Variants in TRAK1 observed in about 807,000 individuals in gnomAD.
TRAK1 encodes trafficking kinesin-binding protein 1.
TRAK1 carries 33 observed loss-of-function variants against 92.1 expected under a neutral mutation model. The ratio of observed to expected loss-of-function variants is 0.36; its 90% CI spans 0.27 to 0.48. The LOEUF is 0.48. TRAK1 is among the 20% of genes least tolerant of loss of function. The probability of loss-of-function intolerance (pLI) is 0.99; values close to 1 mark genes in which losing one functional copy is unlikely to be tolerated. For synonymous variants in TRAK1, 521 were observed against 517.3 expected, an observed-to-expected ratio of 1.01 and a Z score of -0.10; for missense variants, 1,123 against 1,257.9, an observed-to-expected ratio of 0.89 and a Z score of 1.62.
chr3:42,223,678 ACT>A lies in TRAK1; in HGVS notation c.2807_2808del (p.Leu936HisfsTer9). 7 of 1,613,314 alleles carry A rather than the reference ACT, an allele frequency of 4.3e-6. No homozygotes were observed. Among genetic ancestry groups the A allele is most frequent in the Non-Finnish European group, 5.9e-6 (7 of 1,179,702 alleles). On this transcript the variant is annotated frameshift_variant, in exon 16 of 16. Transcript: ENST00000327628. LOFTEE classifies it high-confidence loss of function. The surrounding 1 kb of genome is among the most constrained non-coding windows in gnomAD (Gnocchi z 6.1). ...GSSMQMKAPVTLTSGILMGAK... is the reference protein window; with the variant it reads ...GSSMQMKAPVXLTSGILMGAK... ...TAGCATGCAGATGAAAGCTCCTGTG[ACT>A]CTCACCTCGGGCATCTTGATGGGTG...
intron 2 of TRAK1, among the ~76,000 whole-genome samples, chr3:42,126,132 A>G (rs544030890): frequency 6.6e-6 from 1 of 151,792 alleles, no homozygotes; most frequent in African/African-American, 2.4e-5. Context: ...CTGGGATTAT[A>G]GGTGGGAGCC....
intron 2 of TRAK1, among the ~76,000 whole-genome samples, chr3:42,136,242 T>C (rs1697939183): frequency 6.6e-6 from 1 of 152,186 alleles, no homozygotes. Flanking sequence ...GCATGTGTGT[T>C]ACTGTTTTAG....
At position 42,223,086 on chromosome 3, in the gene TRAK1, C is replaced by T. The variant is rs752462543; in HGVS notation, c.2211C>T (p.Ser737=). 3 of 1,614,154 alleles carry T rather than the reference C, an allele frequency of 1.9e-6. 1 individual carries two copies. Among genetic ancestry groups the T allele is most frequent in the East Asian group, 4.5e-5 (2 of 44,876 alleles). The part of the protein sequence containing the change: ...TRESTTTMST[S]LGLVWLLKER... ...AGTCCACGACCACCATGAGCACATCCCTGGGGCTCGTGTGGCTGTTGAAGG... is the reference window on the plus strand; with the variant it reads ...AGTCCACGACCACCATGAGCACATCTCTGGGGCTCGTGTGGCTGTTGAAGG... Residue 737 remains serine (S), a synonymous_variant, in exon 16 of 16, where the codon TCC becomes TCT. Coordinates refer to ENST00000327628, the MANE Select transcript of TRAK1 (RefSeq NM_001042646.3). The surrounding 1 kb of genome is among the most constrained non-coding windows in gnomAD (Gnocchi z 6.1).
chr3:42,066,555 G>T (rs574983424), intron 1 of TRAK1, among the ~76,000 whole-genome samples: 3 of 150,926 alleles, frequency 2.0e-5, no homozygotes, highest in African/African-American at 7.3e-5. Flanking sequence ...GCTTCTGGAA[G>T]TAGTGCCCAG....
intron 1 of TRAK1, among the ~76,000 whole-genome samples, chr3:42,092,772 T>TGTTATGTTATGTTATG (rs1559754457): frequency 2.6e-5 from 4 of 151,838 alleles, no homozygotes; most frequent in South Asian, 2.1e-4. Context: ...TGTTATGTTA[T>TGTTATGTTATGTTATG]TTCGTGACTC....
At chr3:42,217,589 G>A in intron 14 of TRAK1, 2 of 985,354 alleles carry the variant, frequency 2.0e-6, no homozygotes, top group Non-Finnish European at 2.4e-6. Context: ...CTTTTGATTT[G>A]ATATTCTGGC....
At chr3:42,218,473 C>G in intron 14 of TRAK1, 1 of 984,788 alleles carries the variant, frequency 1.0e-6, no homozygotes, top group Non-Finnish European at 1.2e-6. Context: ...GAGAATCATC[C>G]CGGCACTTCA....
chr3:42,210,097 A>AGGAGGC (rs2149505772), intron 14 of TRAK1, 112 bp downstream of exon 14: 1 of 1,604,586 alleles, frequency 6.2e-7, no homozygotes, highest in Non-Finnish European at 8.5e-7. Context: ...GAGGAGGAGG[A>AGGAGGC]GGAGGAGGAG....
chr3:42,096,984 A>G (rs1159092939), intron 1 of TRAK1, among the ~76,000 whole-genome samples: 1 of 152,238 alleles, frequency 6.6e-6, no homozygotes, highest in Admixed American at 6.5e-5. Context: ...TCCCAAGGGA[A>G]TGACTGTTGC....
Position 42,199,181 on chromosome 3 carries a change from C to T in TRAK1, c.1118C>T (p.Ser373Phe). Residue 373 changes from serine to phenylalanine, a missense_variant, in exon 11 of 16, where the codon TCC becomes TTC. Coordinates refer to ENST00000327628, the MANE Select transcript of TRAK1 (RefSeq NM_001042646.3). ...TGTCTTTCTGGCTTTTCCCAGGATTCCTTGGCAGCAGAGATTGAGGGAACG... is the reference window on the plus strand; with the variant it reads ...TGTCTTTCTGGCTTTTCCCAGGATTTCTTGGCAGCAGAGATTGAGGGAACG... ...YHSLGLFPMD[S>F]LAAEIEGTMR... 1 of 1,613,448 alleles carries T rather than the reference C, an allele frequency of 6.2e-7. No homozygotes were observed. Among genetic ancestry groups the T allele is most frequent in the Non-Finnish European group, 8.5e-7 (1 of 1,180,016 alleles).
chr3:42,187,443 A>C (rs1705051875), intron 4 of TRAK1, among the ~76,000 whole-genome samples: 1 of 152,154 alleles, frequency 6.6e-6, no homozygotes, highest in African/African-American at 2.4e-5. Context: ...AAAGCCCCTG[A>C]ATAGTTGCAT....
At chr3:42,044,674 G>T (rs1362401723) in intron 1 of TRAK1, among the ~76,000 whole-genome samples, 2 of 152,194 alleles carry the variant, frequency 1.3e-5, no homozygotes, top group Non-Finnish European at 2.9e-5. Flanking sequence ...GAGCCGATGT[G>T]GGAGCCTCCT....
At chr3:42,217,255 A>G (rs1461791284) in intron 14 of TRAK1, 4 of 985,206 alleles carry the variant, frequency 4.1e-6, no homozygotes, top group East Asian at 1.1e-4. Flanking sequence ...AGGGAGGTGC[A>G]GCAGCATCCT....
chr3:42,094,532 G>A (rs1416354721), intron 1 of TRAK1, among the ~76,000 whole-genome samples: 2 of 151,980 alleles, frequency 1.3e-5, no homozygotes, highest in Non-Finnish European at 2.9e-5. Context: ...TGGAGCCACC[G>A]TGCCTGGCTA....
chr3:42,105,192 G>A (rs1179868960), intron 1 of TRAK1, among the ~76,000 whole-genome samples: 2 of 152,108 alleles, frequency 1.3e-5, no homozygotes, highest in Non-Finnish European at 2.9e-5. Context: ...GACCTCAGGT[G>A]ATCCACCCGC....
intron 1 of TRAK1, among the ~76,000 whole-genome samples, chr3:42,027,224 T>A (rs1330258387): frequency 6.6e-6 from 1 of 152,182 alleles, no homozygotes; most frequent in African/African-American, 2.4e-5. Flanking sequence ...CAGAAGTACA[T>A]TTTCAGAAAA....
chr3:42,107,408 A>C (rs1488499295), intron 1 of TRAK1, among the ~76,000 whole-genome samples: 2 of 151,858 alleles, frequency 1.3e-5, no homozygotes, highest in Non-Finnish European at 2.9e-5. Flanking sequence ...GTTACTTGGG[A>C]GGCTGAGGCA....
At chr3:42,071,989 A>G (rs1703951884) in intron 1 of TRAK1, among the ~76,000 whole-genome samples, 1 of 152,194 alleles carries the variant, frequency 6.6e-6, no homozygotes, top group Non-Finnish European at 1.5e-5. Context: ...ATGTGGAGAG[A>G]ACCCTGCTTC....
At chr3:42,105,365 G>A (rs1199589623) in intron 1 of TRAK1, among the ~76,000 whole-genome samples, 2 of 152,202 alleles carry the variant, frequency 1.3e-5, no homozygotes, top group Admixed American at 1.3e-4. Context: ...AGAACTATGT[G>A]ACGCATGCAC....
Sources: allele counts gnomAD v4.1 joint callset (sites outside exome capture counted in the v4.1 genomes callset), GRCh38; gene constraint gnomAD v4.1.1; non-coding constraint Gnocchi (gnomAD v3.1); transcripts MANE v1.5; gene names NCBI Gene and HGNC (gene_info 2026-07-23, HGNC 2026-07-21).